Variants in SPON1 observed in about 807,000 individuals in gnomAD.
SPON1 encodes the protein spondin-1.
In SPON1, 52 loss-of-function variants were observed where a neutral mutation model predicts 111.7. The observed-to-expected ratio is 0.47, with a 90% CI of 0.37 to 0.59. The LOEUF (loss-of-function observed/expected upper bound fraction) is 0.59, where lower values mean the gene tolerates loss of function less well. Among genes scored for constraint, SPON1 ranks in the 20% least tolerant of loss-of-function variants. SPON1 has a pLI of 0.00. For missense variants in SPON1, 957 were observed against 1,068.5 expected (o/e 0.90, Z 1.46); for synonymous variants, 410 against 395.8 (o/e 1.04, Z -0.43).
At chr11:14,079,006 C>A (rs1848939764) in intron 4 of SPON1, among the ~76,000 whole-genome samples, 1 of 151,904 alleles carries the variant, frequency 6.6e-6, no homozygotes. Flanking sequence ...AAATGTCCAA[C>A]TGCAAAGAAA....
intron 1 of SPON1, among the ~76,000 whole-genome samples, chr11:13,976,031 T>C (rs1198901373): frequency 4.6e-5 from 7 of 152,208 alleles, no homozygotes; most frequent in Non-Finnish European, 7.3e-5. Flanking sequence ...GGCACTGGGA[T>C]AAATATTTAT....
intron 5 of SPON1, among the ~76,000 whole-genome samples, chr11:14,116,044 G>A (rs1849264558): frequency 6.6e-6 from 1 of 152,120 alleles, no homozygotes. Context: ...ATAACCTGAA[G>A]TATTTGTTCA....
intron 3 of SPON1, among the ~76,000 whole-genome samples, chr11:14,045,777 T>C (rs1591360552): frequency 6.6e-6 from 1 of 151,796 alleles, no homozygotes; most frequent in East Asian, 1.9e-4. Flanking sequence ...AATGACACTT[T>C]GTTGTAAATT....
chr11:14,238,864 G>A (rs1446623232), intron 6 of SPON1, among the ~76,000 whole-genome samples: 5 of 152,146 alleles, frequency 3.3e-5, no homozygotes, highest in African/African-American at 1.2e-4. Flanking sequence ...AAAAGTGTTG[G>A]CATCATCCAA....
chr11:13,989,670 C>G (rs1275621206), intron 2 of SPON1, among the ~76,000 whole-genome samples: 1 of 152,142 alleles, frequency 6.6e-6, no homozygotes, highest in Non-Finnish European at 1.5e-5. Flanking sequence ...CCTGCTTTCT[C>G]TTGTGGGCAT....
rs11411530 is a variant in SPON1 at position 13,999,424 on chromosome 11, C to CTTT, written c.345+16483_345+16485dup. 4.1e-3 allele frequency among the ~76,000 whole-genome samples: 591 copies of CTTT among 142,580 alleles called. 6 individuals are homozygous for CTTT. The highest frequency in any genetic ancestry group is 0.014 in the African/African-American group (544 of 38,752). 93.5% of individuals were successfully genotyped at this position (142,580 alleles called of 152,430 possible). ...TACACATTGCTGTATCATTTTCTTT[C>CTTT]TTTTTTTTTTTTTTGAGATGGCATC... On this transcript the variant is annotated intron_variant, in intron 2 of 15. Coordinates refer to ENST00000576479, the MANE Select transcript of SPON1 (RefSeq NM_006108.4).
intron 10 of SPON1, 143 bp from the exon 11 acceptor site, chr11:14,257,573 G>A (rs183932520): frequency 2.3e-5 from 14 of 600,188 alleles, no homozygotes; most frequent in East Asian, 2.2e-4. Flanking sequence ...GTGGATGGCT[G>A]CTTCCATCCC....
rs569929583 is a variant in SPON1, at chr11:14,002,852, T to C, written c.345+19899T>C. 2.6e-5 allele frequency among the ~76,000 whole-genome samples: 4 copies of C among 152,216 alleles called. No homozygotes were observed. The South Asian group carries it at 8.3e-4, about 32-fold the overall frequency. ...AAGTTGGCCAGGAAGATAGTACCTC[T>C]ACTATCTACCTATAATTTTTTTAAA... On this transcript the variant is annotated intron_variant, in intron 2 of 15. Transcript: ENST00000576479.
intron 15 of SPON1, among the ~76,000 whole-genome samples, chr11:14,263,248 A>G (rs1435433652): frequency 6.6e-6 from 1 of 152,232 alleles, no homozygotes; most frequent in African/African-American, 2.4e-5. Context: ...ATTTTCAAGC[A>G]AAGAATCTTT....
rs1272589824 is a variant in SPON1, at chr11:14,160,693, ATATATT to A, written c.825+25131_825+25136del. On this transcript the variant is annotated intron_variant, in intron 6 of 15. Coordinates refer to ENST00000576479, the MANE Select transcript of SPON1 (RefSeq NM_006108.4). Reference sequence around the variant, plus strand: ...TTTACATATATTTATATATATATTTATATATTTATATATATTTATATATATTTATAT... The same window carrying A: ...TTTACATATATTTATATATATATTTATATATATATTTATATATATTTATAT... Among the ~76,000 whole-genome samples the A allele has an allele frequency of 5.3e-3, 50 of 9,388 alleles. 5 individuals carry two copies. The highest frequency in any genetic ancestry group is 0.042 in the African/African-American group (41 of 986). 6.2% of individuals were successfully genotyped at this position (9,388 alleles called of 152,430 possible). A position where few individuals can be genotyped will look rare whatever the true frequency, so the allele number is the denominator to read the frequency against.
intron 6 of SPON1, among the ~76,000 whole-genome samples, chr11:14,242,529 G>T (rs1301953299): frequency 6.6e-6 from 1 of 152,210 alleles, no homozygotes; most frequent in African/African-American, 2.4e-5. Context: ...ACTTGGACCT[G>T]TGGAGGCCTC....
intron 6 of SPON1, among the ~76,000 whole-genome samples, chr11:14,233,903 C>T (rs1848833123): frequency 6.6e-6 from 1 of 151,806 alleles, no homozygotes. Context: ...GCTGGGATTA[C>T]AGGTGCCCGC....
intron 6 of SPON1, among the ~76,000 whole-genome samples, chr11:14,172,868 A>G (rs1394424435): frequency 2.6e-5 from 4 of 151,924 alleles, no homozygotes; most frequent in Admixed American, 1.3e-4. Flanking sequence ...ATCAGCTGTT[A>G]GTCTGATGGG....
rs200192925 is a variant in SPON1 at position 14,169,514 on chromosome 11, T to G, written c.825+33946T>G. ...GCTCTTGAGTTTAATTAGATCCCAT[T>G]TGTCAATTTTGGCTTTTGTTGCCAT... On this transcript the variant is annotated intron_variant, in intron 6 of 15. Coordinates refer to ENST00000576479, the MANE Select transcript of SPON1 (RefSeq NM_006108.4). Among the ~76,000 whole-genome samples, 57 of 152,086 alleles carry G rather than the reference T, an allele frequency of 3.7e-4. No homozygotes were observed. The South Asian group carries it at 0.012, about 31-fold the overall frequency.
chr11:14,192,480 G>A (rs1554934671), intron 6 of SPON1, among the ~76,000 whole-genome samples: 2 of 147,858 alleles, frequency 1.4e-5, no homozygotes, highest in Non-Finnish European at 3.0e-5. Flanking sequence ...AATATAGAAA[G>A]AGAAGTAGAA....
chr11:14,253,677 G>T (rs1849076370), intron 7 of SPON1, among the ~76,000 whole-genome samples: 1 of 152,224 alleles, frequency 6.6e-6, no homozygotes, highest in African/African-American at 2.4e-5. Flanking sequence ...CCCATGATTA[G>T]CAGCCTTGGG....
chr11:14,012,368 T>G (rs573000542), intron 2 of SPON1, among the ~76,000 whole-genome samples: 10 of 152,128 alleles, frequency 6.6e-5, no homozygotes, highest in Non-Finnish European at 1.3e-4. Flanking sequence ...ACAGCAGGGC[T>G]TCCTATGACC....
chr11:14,261,283 C>T (rs779342721), intron 14 of SPON1, among the ~76,000 whole-genome samples: 7 of 152,202 alleles, frequency 4.6e-5, no homozygotes, highest in Non-Finnish European at 1.0e-4. Context: ...GTTTATATTA[C>T]ATGGGACTAA....
intron 5 of SPON1, among the ~76,000 whole-genome samples, chr11:14,105,083 A>G (rs574247642): frequency 7.9e-5 from 12 of 152,242 alleles, no homozygotes; most frequent in South Asian, 2.1e-4. Flanking sequence ...TGGATCTTAA[A>G]TAGGGCTCTG....
Sources: gnomAD v4.1 joint callset for allele counts (sites outside exome capture counted in the v4.1 genomes callset) on GRCh38, gnomAD v4.1.1 for gene constraint, MANE v1.5 for transcripts, NCBI Gene and HGNC (gene_info 2026-07-23, HGNC 2026-07-21) for gene names.